Variants in SPATA13 observed in about 807,000 individuals in gnomAD.
SPATA13 encodes spermatogenesis associated 13.
SPATA13 carries 50 observed loss-of-function variants against 104.0 expected under a neutral mutation model. The observed-to-expected ratio is 0.48, with a 90% CI of 0.38 to 0.61. SPATA13 has a LOEUF of 0.61. Ranked by LOEUF, SPATA13 falls within the 20% of genes least tolerant of loss-of-function variation. The pLI is 0.00. For missense variants in SPATA13, 1,524 were observed against 1,690.6 expected, an observed-to-expected ratio of 0.90 and a Z score of 1.73; for synonymous variants, 606 against 667.5, an observed-to-expected ratio of 0.91 and a Z score of 1.42.
intron 3 of SPATA13, among the ~76,000 whole-genome samples, chr13:24,047,042 A>C (rs1117357): frequency 6.6e-6 from 1 of 151,848 alleles, no homozygotes; most frequent in South Asian, 2.1e-4. Flanking sequence ...AGGCTAGGGA[A>C]TGAGTGCTGC....
intron 3 of SPATA13, among the ~76,000 whole-genome samples, chr13:24,055,305 G>A (rs551147607): frequency 1.3e-5 from 2 of 152,218 alleles, no homozygotes; most frequent in African/African-American, 4.8e-5. Flanking sequence ...CTTTCATTGC[G>A]GGTACAGTGC....
intron 3 of SPATA13, among the ~76,000 whole-genome samples, chr13:24,099,743 C>A (rs1399937319): frequency 6.6e-6 from 1 of 152,178 alleles, no homozygotes; most frequent in Middle Eastern, 3.2e-3. Context: ...TCAAAAACTC[C>A]AGATTCAGGG....
intron 1 of SPATA13, among the ~76,000 whole-genome samples, chr13:24,190,299 ATTATT>A (rs1326258135): frequency 3.0e-3 from 14 of 4,714 alleles, no homozygotes; most frequent in African/African-American, 3.2e-3. Flanking sequence ...AATATTATAT[ATTATT>A]ATATATAATA....
intron 3 of SPATA13, among the ~76,000 whole-genome samples, chr13:24,087,232 C>T (rs1879755224): frequency 6.6e-6 from 1 of 152,098 alleles, no homozygotes; most frequent in African/African-American, 2.4e-5. Context: ...AGGGGTGAGG[C>T]CCCAAGACAA....
At chr13:23,993,629 G>C (rs936281664) in intron 2 of SPATA13, among the ~76,000 whole-genome samples, 7 of 152,178 alleles carry the variant, frequency 4.6e-5, no homozygotes, top group African/African-American at 1.4e-4. Context: ...AGACCCCTGC[G>C]TGACATTGTT....
chr13:24,162,318 C>G (rs998240101), intron 1 of SPATA13: 13 of 153,966 alleles, frequency 8.4e-5, no homozygotes, highest in African/African-American at 3.1e-4. Context: ...CTGGCAGGCG[C>G]TCTGCCCAGC....
chr13:24,294,601 G>A, intron 9 of SPATA13, 138 bp from the exon 10 acceptor site: 1 of 862,676 alleles, frequency 1.2e-6, no homozygotes, highest in Non-Finnish European at 1.6e-6. Flanking sequence ...ACAAGAAAAA[G>A]GGAAACAGTG....
intron 3 of SPATA13, among the ~76,000 whole-genome samples, chr13:24,052,395 C>T (rs1878376159): frequency 6.6e-6 from 1 of 151,874 alleles, no homozygotes; most frequent in African/African-American, 2.4e-5. Context: ...ACAACAACAA[C>T]AAACTATTAT....
At chr13:24,147,737 TTAA>T in intron 3 of SPATA13, among the ~76,000 whole-genome samples, 1 of 151,280 alleles carries the variant, frequency 6.6e-6, no homozygotes, top group South Asian at 2.1e-4. Context: ...CCTGTACCCA[TTAA>T]ACATTAACTC....
chr13:24,215,875 A>G (rs1193402045), intron 1 of SPATA13, among the ~76,000 whole-genome samples: 2 of 152,154 alleles, frequency 1.3e-5, no homozygotes, highest in African/African-American at 4.8e-5. Flanking sequence ...CCTGAATGGT[A>G]AATGTGGGGG....
intron 2 of SPATA13, among the ~76,000 whole-genome samples, chr13:24,244,247 A>ATTTTAACTTTATTATATCT (rs1872998051): frequency 6.6e-6 from 1 of 152,344 alleles, no homozygotes; most frequent in East Asian, 1.9e-4. Flanking sequence ...CACCTAACCC[A>ATTTTAACTTTATTATATCT]GGTTGACCTC....
rs573137544 is a variant in SPATA13 at position 23,986,118 on chromosome 13, A to C, written c.-147+2185A>C. On this transcript the variant is annotated intron_variant, in intron 2 of 14. Transcript: ENST00000424834. ...ATAATAAATGCAGTTCTGGTGTGTT[A>C]GGTTTGCAAGTGTTTTTAGCATACC... Among the ~76,000 whole-genome samples, 9 of 152,320 alleles carry C rather than the reference A, an allele frequency of 5.9e-5. No homozygotes were observed. The South Asian group carries it at 1.0e-3, about 18-fold the overall frequency.
intron 2 of SPATA13, among the ~76,000 whole-genome samples, chr13:24,015,309 A>G (rs1876660241): frequency 6.6e-6 from 1 of 152,264 alleles, no homozygotes. Context: ...AAATAGACAC[A>G]TGACATTATT....
At chr13:24,047,468 G>A (rs1265333079) in intron 3 of SPATA13, among the ~76,000 whole-genome samples, 9 of 152,196 alleles carry the variant, frequency 5.9e-5, no homozygotes, top group Admixed American at 5.2e-4. Context: ...GTTTCAGGAA[G>A]GGACTGTTAC....
intron 1 of SPATA13, among the ~76,000 whole-genome samples, chr13:24,184,082 G>A (rs889060193): frequency 1.3e-5 from 2 of 152,126 alleles, no homozygotes; most frequent in Non-Finnish European, 2.9e-5. Flanking sequence ...GGAGGAGAGC[G>A]CCAAGGGACA....
chr13:24,253,117 C>T (rs1379757477), intron 4 of SPATA13: 4 of 152,126 alleles, frequency 2.6e-5, no homozygotes, highest in South Asian at 2.1e-4. Context: ...TTCAGCTGTC[C>T]GAGCTTAGGT....
At chr13:23,997,910 T>C (rs2765168) in intron 2 of SPATA13, among the ~76,000 whole-genome samples, 117,813 of 152,134 alleles carry the variant, frequency 0.77, 45,755 homozygotes, top group African/African-American at 0.81. Context: ...CATATTTGAA[T>C]ATCAGTCTTG....
intron 2 of SPATA13, among the ~76,000 whole-genome samples, chr13:23,996,464 A>T (rs1220672780): frequency 6.6e-6 from 1 of 152,212 alleles, no homozygotes; most frequent in Admixed American, 6.5e-5. Flanking sequence ...GAGTGACTGA[A>T]CTGGGGCTGT....
chr13:24,096,887 G>T (rs1880103097), intron 3 of SPATA13, among the ~76,000 whole-genome samples: 1 of 152,192 alleles, frequency 6.6e-6, no homozygotes, highest in African/African-American at 2.4e-5. Context: ...GTGACCTCTT[G>T]CCCAGGTGTA....
Sources: allele counts gnomAD v4.1 joint callset (sites outside exome capture counted in the v4.1 genomes callset), GRCh38; gene constraint gnomAD v4.1.1; transcripts MANE v1.5; gene names NCBI Gene and HGNC (gene_info 2026-07-23, HGNC 2026-07-21).